Variants in VPS41 observed in about 807,000 individuals in gnomAD.
VPS41 encodes the protein VPS41 subunit of HOPS complex.
In VPS41, 85 loss-of-function variants were observed where a neutral mutation model predicts 130.9. The ratio of observed to expected loss-of-function variants is 0.65; its 90% CI spans 0.55 to 0.78. VPS41 has a LOEUF of 0.78. Ranked by LOEUF, VPS41 falls within the 30% of genes least tolerant of loss-of-function variation. The pLI, the probability that VPS41 is intolerant of heterozygous loss-of-function variation, is 0.00. For missense variants in VPS41, 874 were observed against 1,018.7 expected (o/e 0.86, Z 1.93); for synonymous variants, 335 against 332.9 (o/e 1.01, Z -0.07).
chr7:38,791,591 G>A (rs988873001), intron 9 of VPS41, among the ~76,000 whole-genome samples: 2 of 152,196 alleles, frequency 1.3e-5, no homozygotes, highest in Non-Finnish European at 1.5e-5. Context: ...TGACATGTAA[G>A]TTGAAGCAGG....
intron 10 of VPS41, among the ~76,000 whole-genome samples, chr7:38,780,168 G>GTT (rs1159827807): frequency 7.7e-6 from 1 of 129,272 alleles, no homozygotes. Flanking sequence ...TGGACAGGGT[G>GTT]TTTTTTTTTT....
intron 4 of VPS41, among the ~76,000 whole-genome samples, chr7:38,855,584 G>A (rs886893118): frequency 3.3e-5 from 5 of 152,150 alleles, no homozygotes; most frequent in Non-Finnish European, 7.4e-5. Context: ...GGTTAGGGAA[G>A]TGCCCTAATA....
intron 23 of VPS41, among the ~76,000 whole-genome samples, chr7:38,744,895 AC>A (rs1211602107): frequency 6.6e-6 from 1 of 152,080 alleles, no homozygotes; most frequent in Non-Finnish European, 1.5e-5. Flanking sequence ...AAGCGGAAAA[AC>A]CCTACTGAGG....
intron 4 of VPS41, among the ~76,000 whole-genome samples, chr7:38,861,475 T>C (rs1014929252): frequency 1.6e-4 from 24 of 152,162 alleles, no homozygotes; most frequent in African/African-American, 5.5e-4. Context: ...ATATTCCTCT[T>C]GCCTCAAAGG....
chr7:38,761,472 A>C (rs1584380706), intron 17 of VPS41, among the ~76,000 whole-genome samples: 1 of 147,508 alleles, frequency 6.8e-6, no homozygotes, highest in African/African-American at 2.5e-5. Flanking sequence ...TTTAGTAGAG[A>C]CGGGGTTTAA....
chr7:38,844,844 G>A (rs1036186678), intron 4 of VPS41, among the ~76,000 whole-genome samples: 4 of 151,968 alleles, frequency 2.6e-5, no homozygotes, highest in Non-Finnish European at 5.9e-5. Context: ...AAAACCCTAG[G>A]CTGCTGTGCC....
chr7:38,860,891 A>T (rs1786093556), intron 4 of VPS41, among the ~76,000 whole-genome samples: 1 of 152,164 alleles, frequency 6.6e-6, no homozygotes, highest in Non-Finnish European at 1.5e-5. Flanking sequence ...AAAACAGACT[A>T]TCACCTTCTT....
At chr7:38,840,380 A>G (rs1785585513) in intron 4 of VPS41, among the ~76,000 whole-genome samples, 1 of 152,220 alleles carries the variant, frequency 6.6e-6, no homozygotes, top group Non-Finnish European at 1.5e-5. Context: ...ACATGAACCC[A>G]TTGCACACTG....
At chr7:38,767,515 A>C (rs1156490992) in intron 15 of VPS41, 22 bp downstream of exon 15, 3 of 1,544,102 alleles carry the variant, frequency 1.9e-6, no homozygotes, top group Non-Finnish European at 2.7e-6. Flanking sequence ...TTAACAAATA[A>C]TTGTGAAAAT....
intron 2 of VPS41, among the ~76,000 whole-genome samples, chr7:38,871,520 C>A (rs74914764): frequency 7.5e-4 from 114 of 152,282 alleles, no homozygotes; most frequent in African/African-American, 2.6e-3. Flanking sequence ...TCCTGTTTTA[C>A]AGATTTTCAG....
chr7:38,813,629 TATC>T (rs1326587308), intron 7 of VPS41, among the ~76,000 whole-genome samples: 1 of 152,196 alleles, frequency 6.6e-6, no homozygotes, highest in Non-Finnish European at 1.5e-5. Context: ...CACTTTAAAA[TATC>T]ATACATGTGC....
rs1450908888 is a variant in VPS41, at chr7:38,771,202, A to C, written c.1181T>G (p.Ile394Ser). 1 of 1,596,538 alleles carries C rather than the reference A, an allele frequency of 6.3e-7. No individual in the cohort carries two copies. Among genetic ancestry groups the C allele is most frequent in the Non-Finnish European group, 8.6e-7 (1 of 1,168,742 alleles). ...ISQKNIKRHK[I>S]LDIGLAYINH... ...AATAACAAATTGCACACTTACCAGA[A>C]TCTTATGTCTTTTAATATTTTTTTG... Residue 394 changes from isoleucine (I) to serine (S), a missense_variant, in exon 14 of 29, where the codon ATT becomes AGT. Physicochemically the swap from Ile to Ser is moderately radical, Grantham distance 142. Coordinates refer to ENST00000310301, the MANE Select transcript of VPS41 (RefSeq NM_014396.4).
In VPS41 at chr7:38,758,409, C is replaced by A; in HGVS notation, c.1495G>T (p.Asp499Tyr). ...NNSVIVQAVR[D>Y]HLKKDSQNKT... ...TTCTGACTATCTTTCTTCAAATGAT[C>A]CCGAACTGCTTGAACTATGACTGAA... The change falls in exon 18 of 29, where the codon GAT (aspartate) becomes TAT (tyrosine). Residue 499 changes from aspartate to tyrosine, a missense_variant. Asp to Tyr is a radical substitution (Grantham distance 160, BLOSUM62 -3). Transcript: ENST00000310301. 1 of 1,613,498 alleles carries A rather than the reference C, an allele frequency of 6.2e-7. No homozygotes were observed. Among genetic ancestry groups the A allele is most frequent in the Non-Finnish European group, 8.5e-7 (1 of 1,179,650 alleles).
intron 18 of VPS41, 88 bp downstream of exon 18, chr7:38,758,266 T>A (rs568398040): frequency 8.0e-7 from 1 of 1,245,982 alleles, no homozygotes; most frequent in Admixed American, 2.5e-5. Flanking sequence ...AAAATACATC[T>A]TCTCCACTTG....
chr7:38,726,966 C>T lies in VPS41; in HGVS notation c.2427G>A (p.Val809=). The T allele has an allele frequency of 3.1e-6, 5 of 1,588,206 alleles. No individual in the cohort carries two copies. Among genetic ancestry groups the T allele is most frequent in the Non-Finnish European group, 4.3e-6 (5 of 1,167,098 alleles). ...LPSDAAKPFS[V]VVFHCRHMFH... Reference sequence around the variant, plus strand: ...ACATGTGCCGGCAATGGAAGACCACCACGCTGAAGGGCTTAGCTGCATCTG... The same window carrying T: ...ACATGTGCCGGCAATGGAAGACCACTACGCTGAAGGGCTTAGCTGCATCTG... Residue 809 remains valine, a synonymous_variant, in exon 28 of 29, where the codon GTG becomes GTA. Transcript: ENST00000310301.
chr7:38,749,128 G>A (rs1796044169), intron 22 of VPS41, among the ~76,000 whole-genome samples: 1 of 152,132 alleles, frequency 6.6e-6, no homozygotes, highest in African/African-American at 2.4e-5. Context: ...GAATTTCAGA[G>A]TCGTGGTGAT....
chr7:38,725,593 G>A lies in VPS41; in HGVS notation c.*653C>T, dbSNP rs1795521280. 6.6e-6 allele frequency: 1 copy of A among 152,240 alleles called. No homozygotes were observed. The highest frequency in any genetic ancestry group is 1.5e-5 in the Non-Finnish European group (1 of 68,058). The allele number at this position is 152,240 out of a possible 1,614,324, so 9.4% of individuals were successfully genotyped here. A position where few individuals can be genotyped will look rare whatever the true frequency, so the allele number is the denominator to read the frequency against. ...AACATTTATTCAATCAACAAATGCTGAGTGTCCGCCATGGCCAGATACTCT... is the reference window on the plus strand; with the variant it reads ...AACATTTATTCAATCAACAAATGCTAAGTGTCCGCCATGGCCAGATACTCT... On this transcript the variant is annotated 3_prime_UTR_variant, in exon 29 of 29. Transcript: ENST00000310301.
intron 16 of VPS41, 131 bp from the exon 17 acceptor site, chr7:38,763,678 G>T: frequency 1.9e-6 from 1 of 522,554 alleles, no homozygotes; most frequent in Non-Finnish European, 3.3e-6. Flanking sequence ...TGAAAAAAAT[G>T]TTTTGAACAG....
chr7:38,770,034 C>T (rs1199153259), intron 14 of VPS41, among the ~76,000 whole-genome samples: 1 of 152,106 alleles, frequency 6.6e-6, no homozygotes, highest in African/African-American at 2.4e-5. Flanking sequence ...CTTTGGGAGG[C>T]CGAGGCAAGC....
Sources: allele counts gnomAD v4.1 joint callset (sites outside exome capture counted in the v4.1 genomes callset), GRCh38; gene constraint gnomAD v4.1.1; transcripts MANE v1.5; gene names NCBI Gene and HGNC (gene_info 2026-07-23, HGNC 2026-07-21).